Variants in NPS observed in about 807,000 individuals in gnomAD.
NPS encodes the protein neuropeptide S.
Under a neutral mutation model 7.2 loss-of-function variants are expected in NPS, and 6 were observed. That is an observed-to-expected ratio of 0.83 (90% CI 0.46 to 1.64). NPS has a LOEUF of 1.64. Among genes scored for constraint, NPS ranks in the 40% most tolerant of loss-of-function variants. The probability of loss-of-function intolerance (pLI) is 0.01; values close to 1 mark genes in which losing one functional copy is unlikely to be tolerated. For missense variants in NPS, 123 were observed against 97.8 expected (o/e 1.26, Z -1.09); for synonymous variants, 42 against 36.7 (o/e 1.14, Z -0.52).
chr10:127,552,372 C>T, intron 2 of NPS, 88 bp from the exon 3 acceptor site: 1 of 742,250 alleles, frequency 1.3e-6, no homozygotes, highest in Non-Finnish European at 2.3e-6. Flanking sequence ...GGATTTATCG[C>T]CATACGATTT....
At chr10:127,552,110 G>A (rs1160088898) in intron 2 of NPS, among the ~76,000 whole-genome samples, 4 of 152,150 alleles carry the variant, frequency 2.6e-5, no homozygotes, top group Non-Finnish European at 4.4e-5. Context: ...TGATCCTTAT[G>A]GGTTGTTTTT....
rs1340024917 is a variant in NPS at position 127,553,537 on chromosome 10, C to T, written c.*898C>T. 2.6e-5 allele frequency among the ~76,000 whole-genome samples: 4 copies of T among 152,074 alleles called. No individual in the cohort carries two copies. Among genetic ancestry groups the T allele is most frequent in the Non-Finnish European group, 4.4e-5 (3 of 68,028 alleles). ...TGCATAATGTTAATAAATCTGTTCA[C>T]GCATATTGGATTCTGCAGCACACTA... On this transcript the variant is annotated 3_prime_UTR_variant, in exon 3 of 3. Coordinates refer to ENST00000398023, the MANE Select transcript of NPS (RefSeq NM_001030013.2).
chr10:127,550,070 A>G (rs896528796), intron 2 of NPS, among the ~76,000 whole-genome samples: 5 of 152,204 alleles, frequency 3.3e-5, no homozygotes, highest in African/African-American at 1.2e-4. Context: ...GAACTGTTCA[A>G]GACATTCAGA....
rs1844873102 is a variant in NPS at position 127,553,045 on chromosome 10, C to CT, written c.*408dup. Among the ~76,000 whole-genome samples the CT allele has an allele frequency of 6.6e-6, 1 of 151,892 alleles. No homozygotes were observed. The highest frequency in any genetic ancestry group is 2.1e-4 in the South Asian group (1 of 4,816). On this transcript the variant is annotated 3_prime_UTR_variant, in exon 3 of 3. Transcript: ENST00000398023. ...TTTTTAATACCGTTTTCTCAAATGA[C>CT]TTAACAGGCTCAATTCTTGGGGTGG...
rs770405724 is a variant in NPS, at chr10:127,552,609, A to G, written c.240A>G (p.Lys80=). The G allele has an allele frequency of 8.7e-6, 14 of 1,613,542 alleles. No individual in the cohort carries two copies. Among genetic ancestry groups the G allele is most frequent in the African/African-American group, 5.3e-5 (4 of 74,908 alleles). ...GCAATGGAGTTGGCACAGGGATGAA[A>G]AAAACTTCCTTTCAAAGAGCAAAAT... The part of the protein sequence containing the change: ...SFRNGVGTGM[K]KTSFQRAKS The change falls in exon 3 of 3, where the codon AAA becomes AAG. Residue 80 remains lysine (K), a synonymous_variant. Transcript: ENST00000398023.
Position 127,553,159 on chromosome 10 carries a change from T to C in NPS, c.*520T>C, listed in dbSNP as rs1429980056. ...CAGCTGTATCAATTGATTAATTAAT[T>C]GATACCAAGAACAAACATCCCTGGA... On this transcript the variant is annotated 3_prime_UTR_variant, in exon 3 of 3. Coordinates refer to ENST00000398023, the MANE Select transcript of NPS (RefSeq NM_001030013.2). Among the ~76,000 whole-genome samples the C allele has an allele frequency of 6.6e-6, 1 of 152,212 alleles. No homozygotes were observed. Among genetic ancestry groups the C allele is most frequent in the Non-Finnish European group, 1.5e-5 (1 of 68,034 alleles).
Position 127,551,483 on chromosome 10 carries a change from A to C in NPS, c.91-977A>C, listed in dbSNP as rs970501288. The stretch of plus-strand genomic sequence containing the variant: ...CTTGTAGTATGTCTCTTTATTGATA[A>C]TAAAAGCACTCAGTTTCCTTTTCCT... On this transcript the variant is annotated intron_variant, in intron 2 of 2. Coordinates refer to ENST00000398023, the MANE Select transcript of NPS (RefSeq NM_001030013.2). Among the ~76,000 whole-genome samples, 4 of 152,312 alleles carry C rather than the reference A, an allele frequency of 2.6e-5. No individual in the cohort carries two copies. In the East Asian group the frequency reaches 7.7e-4, roughly 29 times the overall value.
intron 2 of NPS, 141 bp downstream of exon 2, chr10:127,549,711 G>A (rs1844840822): frequency 1.6e-6 from 1 of 611,858 alleles, no homozygotes; most frequent in African/African-American, 1.9e-5. Context: ...AAAGTCAGCA[G>A]ATTGATGACA....
rs1340024917 is a variant in NPS at position 127,553,537 on chromosome 10, C to A, written c.*898C>A. ...TGCATAATGTTAATAAATCTGTTCA[C>A]GCATATTGGATTCTGCAGCACACTA... On this transcript the variant is annotated 3_prime_UTR_variant, in exon 3 of 3. Transcript: ENST00000398023. Among the ~76,000 whole-genome samples the A allele has an allele frequency of 6.6e-6, 1 of 152,074 alleles. No individual in the cohort carries two copies. Among genetic ancestry groups the A allele is most frequent in the Non-Finnish European group, 1.5e-5 (1 of 68,028 alleles).
At position 127,549,913 on chromosome 10, in the gene NPS, A is replaced by T. The variant is rs571329513; in HGVS notation, c.90+343A>T. Among the ~76,000 whole-genome samples the T allele has an allele frequency of 3.9e-5, 6 of 152,358 alleles. No individual in the cohort carries two copies. The South Asian group carries it at 1.2e-3, about 32-fold the overall frequency. The stretch of plus-strand genomic sequence containing the variant: ...GTGAACACTTAACCATGGAAACTAT[A>T]TTAAAAATAAAGTGGTCATTTTTCA... On this transcript the variant is annotated intron_variant, in intron 2 of 2. Transcript: ENST00000398023.
intron 2 of NPS, among the ~76,000 whole-genome samples, chr10:127,552,109 T>C (rs527709141): frequency 2.0e-5 from 3 of 152,338 alleles, no homozygotes; most frequent in African/African-American, 4.8e-5. Flanking sequence ...CTGATCCTTA[T>C]GGGTTGTTTT....
intron 2 of NPS, among the ~76,000 whole-genome samples, chr10:127,550,897 T>C (rs547849357): frequency 1.3e-4 from 20 of 152,350 alleles, no homozygotes; most frequent in South Asian, 8.3e-4. Flanking sequence ...AATCTTATTA[T>C]GTTAATGAGT....
At chr10:127,551,330 A>G (rs561723536) in intron 2 of NPS, among the ~76,000 whole-genome samples, 3 of 152,026 alleles carry the variant, frequency 2.0e-5, no homozygotes, top group Non-Finnish European at 2.9e-5. Flanking sequence ...TCAGTAAACC[A>G]CCCACGCGTG....
At chr10:127,550,760 T>C (rs1019955067) in intron 2 of NPS, among the ~76,000 whole-genome samples, 4 of 152,224 alleles carry the variant, frequency 2.6e-5, no homozygotes, top group Non-Finnish European at 4.4e-5. Context: ...AGTTCCGTAG[T>C]AAGAGTGTGG....
chr10:127,550,147 A>T (rs908029555), intron 2 of NPS, among the ~76,000 whole-genome samples: 10 of 152,116 alleles, frequency 6.6e-5, no homozygotes, highest in Non-Finnish European at 1.3e-4. Context: ...CCTTTATGTC[A>T]ATATTTTGTT....
intron 2 of NPS, among the ~76,000 whole-genome samples, chr10:127,551,715 AC>A (rs1488990538): frequency 6.6e-6 from 1 of 152,224 alleles, no homozygotes; most frequent in African/African-American, 2.4e-5. Context: ...TTCCTCTGAA[AC>A]CATGCAAGAG....
Position 127,552,756 on chromosome 10 carries a change from T to A in NPS, c.*117T>A. 1.4e-6 allele frequency: 1 copy of A among 695,448 alleles called. No homozygotes were observed. Among genetic ancestry groups the A allele is most frequent in the Non-Finnish European group, 2.5e-6 (1 of 401,508 alleles). The allele number at this position is 695,448 out of a possible 1,614,324, so 43.1% of individuals were successfully genotyped here. A position where few individuals can be genotyped will look rare whatever the true frequency, so the allele number is the denominator to read the frequency against. On this transcript the variant is annotated 3_prime_UTR_variant, in exon 3 of 3. Transcript: ENST00000398023. ...CATGCTCTCTATTCTCAAATATCTT[T>A]CCTCTCCTGACTGGTACAGAGTAAA...
rs746506969 is a variant in NPS at position 127,549,507 on chromosome 10, C to A, written c.27C>A (p.Leu9=). The A allele has an allele frequency of 8.0e-5, 129 of 1,611,910 alleles. No individual in the cohort carries two copies. Among genetic ancestry groups the A allele is most frequent in the Non-Finnish European group, 1.0e-4 (121 of 1,178,116 alleles). Residue 9 remains leucine (L), a synonymous_variant, in exon 2 of 3, where the codon CTC becomes CTA. Coordinates refer to ENST00000398023, the MANE Select transcript of NPS (RefSeq NM_001030013.2). ...TTTGCAGCTCAGTAAAACTCAATCTCATCCTAGTTCTGTCGCTGTCCACAA... is the reference window on the plus strand; with the variant it reads ...TTTGCAGCTCAGTAAAACTCAATCTAATCCTAGTTCTGTCGCTGTCCACAA... MISSVKLN[L]ILVLSLSTMH...
At chr10:127,551,745 T>G (rs1844860948) in intron 2 of NPS, among the ~76,000 whole-genome samples, 1 of 152,200 alleles carries the variant, frequency 6.6e-6, no homozygotes, top group South Asian at 2.1e-4. Flanking sequence ...CAACAAGTGT[T>G]GATGATTCGT....
Sources: allele counts gnomAD v4.1 joint callset (sites outside exome capture counted in the v4.1 genomes callset), GRCh38; gene constraint gnomAD v4.1.1; transcripts MANE v1.5; gene names NCBI Gene and HGNC (gene_info 2026-07-23, HGNC 2026-07-21).